EYS: variants seen among roughly 807,000 people sequenced by gnomAD.
EYS encodes the protein protein eyes shut homolog.
EYS carries 250 observed loss-of-function variants against 282.1 expected under a neutral mutation model. The observed-to-expected ratio is 0.89, with a 90% CI of 0.80 to 0.98. The LOEUF is 0.98. EYS is among the 50% of genes least tolerant of loss of function. The pLI is 0.00. For synonymous variants in EYS, 1,355 were observed against 1,282.9 expected (o/e 1.06, Z -1.20); for missense variants, 4,016 against 3,709.0 (o/e 1.08, Z -2.15).
intron 22 of EYS, among the ~76,000 whole-genome samples, chr6:64,677,568 GAT>G (rs1157705820): frequency 2.0e-5 from 3 of 152,088 alleles, no homozygotes; most frequent in Non-Finnish European, 2.9e-5. Flanking sequence ...GATGATTTAA[GAT>G]GACCTCCATA....
intron 22 of EYS, among the ~76,000 whole-genome samples, chr6:64,799,036 A>T (rs1407580572): frequency 3.3e-5 from 5 of 151,904 alleles, no homozygotes; most frequent in African/African-American, 1.2e-4. Flanking sequence ...TTTCTAAAAT[A>T]CAAATTTGAC....
At position 65,473,316 on chromosome 6, in the gene EYS, T is replaced by C. The variant is rs202117307; in HGVS notation, c.862+17278A>G. Among the ~76,000 whole-genome samples the C allele has an allele frequency of 7.2e-5, 11 of 151,774 alleles. No homozygotes were observed. The East Asian group carries it at 1.5e-3, about 21-fold the overall frequency. ...TAAGGAAAACTTTAGGAAAGAGAAATTGAACAAAAGGCAAACAAACCCAAA... is the reference window on the plus strand; with the variant it reads ...TAAGGAAAACTTTAGGAAAGAGAAACTGAACAAAAGGCAAACAAACCCAAA... On this transcript the variant is annotated intron_variant, in intron 5 of 42. Coordinates refer to ENST00000503581, the MANE Select transcript of EYS (RefSeq NM_001142800.2).
At chr6:63,926,218 T>A (rs1362344585) in intron 35 of EYS, among the ~76,000 whole-genome samples, 1 of 152,200 alleles carries the variant, frequency 6.6e-6, no homozygotes, top group East Asian at 1.9e-4. Context: ...ATTAATCTAG[T>A]CAAGCATATT....
At chr6:65,009,423 C>T (rs1025759222) in intron 13 of EYS, among the ~76,000 whole-genome samples, 1 of 152,164 alleles carries the variant, frequency 6.6e-6, no homozygotes, top group African/African-American at 2.4e-5. Context: ...AGCCCTTATA[C>T]TCTGCTTTCC....
intron 26 of EYS, among the ~76,000 whole-genome samples, chr6:64,539,219 T>A (rs1379735744): frequency 6.6e-6 from 1 of 152,164 alleles, no homozygotes; most frequent in Non-Finnish European, 1.5e-5. Flanking sequence ...ACTTCACACT[T>A]AAAAATTAAG....
intron 30 of EYS, among the ~76,000 whole-genome samples, chr6:64,295,140 C>G (rs182796387): frequency 1.3e-5 from 2 of 150,548 alleles, no homozygotes; most frequent in Non-Finnish European, 2.9e-5. Context: ...TTTAGGAGGC[C>G]GAAGCGGGGG....
At chr6:64,659,835 G>A (rs1768925557) in intron 22 of EYS, among the ~76,000 whole-genome samples, 5 of 152,114 alleles carry the variant, frequency 3.3e-5, no homozygotes, top group Admixed American at 1.3e-4. Flanking sequence ...CATTCCTTCC[G>A]AAATTATTCC....
chr6:65,621,813 C>T (rs1369189760), intron 2 of EYS, among the ~76,000 whole-genome samples: 1 of 151,736 alleles, frequency 6.6e-6, no homozygotes, highest in Admixed American at 6.6e-5. Flanking sequence ...TAAATGTTTC[C>T]TTGATGTGTC....
chr6:64,565,955 TA>T (rs556439758), intron 26 of EYS, among the ~76,000 whole-genome samples: 2,303 of 133,134 alleles, frequency 0.017, 32 homozygotes, highest in African/African-American at 0.044. Context: ...TCATACAAAT[TA>T]AAAAAAAAAA....
chr6:64,500,331 C>T (rs1339263549), intron 26 of EYS, among the ~76,000 whole-genome samples: 1 of 151,890 alleles, frequency 6.6e-6, no homozygotes, highest in Non-Finnish European at 1.5e-5. Context: ...TTTAAAGGAC[C>T]ATAATTTTCC....
At chr6:64,257,664 T>C (rs1205066259) in intron 30 of EYS, among the ~76,000 whole-genome samples, 1 of 152,014 alleles carries the variant, frequency 6.6e-6, no homozygotes, top group Non-Finnish European at 1.5e-5. Flanking sequence ...ATGTATACTA[T>C]GTCCTTTCCC....
intron 41 of EYS, among the ~76,000 whole-genome samples, chr6:63,742,190 C>T (rs911773668): frequency 6.6e-6 from 1 of 152,120 alleles, no homozygotes; most frequent in African/African-American, 2.4e-5. Flanking sequence ...GGGAGGCCTC[C>T]AGCACATTTC....
chr6:64,103,010 C>T lies in EYS; in HGVS notation c.6425-21008G>A, dbSNP rs115391353. ...AAAAAAATCCTTACTTAACAGAGAA[C>T]ATTTGTAGCATGGTGTAGAAGAAAG... On this transcript the variant is annotated intron_variant, in intron 31 of 42. Transcript: ENST00000503581. 5.0e-3 allele frequency among the ~76,000 whole-genome samples: 767 copies of T among 151,932 alleles called. 1 individual carries two copies. Among genetic ancestry groups the T allele is most frequent in the African/African-American group, 0.018 (736 of 41,438 alleles).
chr6:64,596,283 T>C (rs890694594), intron 24 of EYS, among the ~76,000 whole-genome samples: 5 of 152,146 alleles, frequency 3.3e-5, no homozygotes, highest in African/African-American at 1.2e-4. Context: ...TGAATGACCA[T>C]GCTATTCAAA....
At chr6:64,303,836 G>C (rs1290094472) in intron 30 of EYS, among the ~76,000 whole-genome samples, 2 of 54,172 alleles carry the variant, frequency 3.7e-5, no homozygotes, top group African/African-American at 1.1e-4. Flanking sequence ...GCGAAACTCC[G>C]TCTCAAAAAA....
chr6:64,524,505 A>G (rs1470674654), intron 26 of EYS, among the ~76,000 whole-genome samples: 1 of 151,568 alleles, frequency 6.6e-6, no homozygotes, highest in Admixed American at 6.6e-5. Context: ...CAATTTTTGC[A>G]TTTGTTGCAA....
intron 12 of EYS, among the ~76,000 whole-genome samples, chr6:65,285,571 TCATTTTGGAAAGGTACTTTCCTTCAG>T (rs1488442529): frequency 1.3e-5 from 2 of 151,990 alleles, no homozygotes; most frequent in African/African-American, 4.8e-5. Flanking sequence ...ATAAAAAAGA[TCATTTTGGAAAGGTACTTTCCTTCAG>T]CAGCTTTTGG....
At chr6:64,139,084 T>C (rs1582327049) in intron 31 of EYS, among the ~76,000 whole-genome samples, 1 of 152,136 alleles carries the variant, frequency 6.6e-6, no homozygotes, top group East Asian at 1.9e-4. Context: ...AGGTACAGCA[T>C]ATATAAGTTT....
At chr6:65,176,582 T>C (rs1765231726) in intron 12 of EYS, among the ~76,000 whole-genome samples, 1 of 151,652 alleles carries the variant, frequency 6.6e-6, no homozygotes, top group South Asian at 2.1e-4. Context: ...CTTACTTGTC[T>C]ATATCAACTT....
Sources: allele counts gnomAD v4.1 joint callset (sites outside exome capture counted in the v4.1 genomes callset), GRCh38; gene constraint gnomAD v4.1.1; transcripts MANE v1.5; gene names NCBI Gene and HGNC (gene_info 2026-07-23, HGNC 2026-07-21).